The following TDRD1 variants were observed in gnomAD, a reference collection of about 807,000 sequenced individuals.
TDRD1 encodes the protein tudor domain-containing protein 1.
Under a neutral mutation model 140.6 loss-of-function variants are expected in TDRD1, and 37 were observed. That is an observed-to-expected ratio of 0.26 (90% CI 0.20 to 0.35). TDRD1 has a LOEUF of 0.35. Among genes scored for constraint, TDRD1 ranks in the 10% least tolerant of loss-of-function variants. TDRD1 has a pLI of 1.00. For synonymous variants in TDRD1, 506 were observed against 475.7 expected (o/e 1.06, Z -0.83); for missense variants, 1,243 against 1,393.0 (o/e 0.89, Z 1.71).
intron 10 of TDRD1, 21 bp downstream of exon 10, chr10:114,204,914 T>C (rs776198832): frequency 3.2e-5 from 50 of 1,559,878 alleles, no homozygotes; most frequent in Non-Finnish European, 4.1e-5. Flanking sequence ...TCTTTTTAAA[T>C]TGAGTACTTA....
At chr10:114,223,744 CT>C (rs1339146150) in intron 21 of TDRD1, among the ~76,000 whole-genome samples, 2 of 152,174 alleles carry the variant, frequency 1.3e-5, no homozygotes, top group Admixed American at 6.5e-5. Flanking sequence ...TCTTTTGCCA[CT>C]TTTGTCGTTG....
chr10:114,215,421 T>C (rs1355069303), intron 16 of TDRD1, among the ~76,000 whole-genome samples: 2 of 152,108 alleles, frequency 1.3e-5, no homozygotes, highest in East Asian at 1.9e-4. Context: ...GGAATGAAAT[T>C]ATTAGGTCAT....
At chr10:114,206,888 T>C (rs2035155879) in intron 11 of TDRD1, among the ~76,000 whole-genome samples, 1 of 152,194 alleles carries the variant, frequency 6.6e-6, no homozygotes. Context: ...AGTGCTGGGA[T>C]TACAGGCGTG....
At chr10:114,175,093 G>A (rs995761175), upstream of TDRD1, among the ~76,000 whole-genome samples, 2 of 152,150 alleles carry the variant, frequency 1.3e-5, no homozygotes, top group African/African-American at 4.8e-5. Context: ...CACACACGGA[G>A]GTGTAATGGC....
At chr10:114,190,108 A>C (rs966191926) in intron 2 of TDRD1, among the ~76,000 whole-genome samples, 6 of 152,192 alleles carry the variant, frequency 3.9e-5, no homozygotes, top group Admixed American at 3.9e-4. Context: ...TCAGATACCA[A>C]AACCAGAAGC....
At chr10:114,209,880 A>G (rs17091430) in intron 11 of TDRD1, among the ~76,000 whole-genome samples, 38,381 of 152,174 alleles carry the variant, frequency 0.25, 5,133 homozygotes, top group African/African-American at 0.33. Context: ...ATTCCTTAAA[A>G]CAGTAGTAGT....
chr10:114,191,984 C>A (rs548466204), intron 3 of TDRD1, among the ~76,000 whole-genome samples: 74 of 151,882 alleles, frequency 4.9e-4, no homozygotes, highest in African/African-American at 1.8e-3. Flanking sequence ...TGATAAACAT[C>A]TTTTCATGTG....
chr10:114,212,911 G>A (rs547266844), intron 14 of TDRD1, among the ~76,000 whole-genome samples: 37 of 152,080 alleles, frequency 2.4e-4, no homozygotes, highest in Non-Finnish European at 4.9e-4. Context: ...CATCACCCTG[G>A]TATGGTCTCT....
chr10:114,190,042 A>G (rs2033844016), intron 2 of TDRD1, among the ~76,000 whole-genome samples: 1 of 152,196 alleles, frequency 6.6e-6, no homozygotes. Flanking sequence ...AGAGGAGAAC[A>G]TTAAGTATTC....
chr10:114,217,027 CT>C (rs745327539), intron 16 of TDRD1, among the ~76,000 whole-genome samples: 4 of 152,226 alleles, frequency 2.6e-5, no homozygotes, highest in Non-Finnish European at 5.9e-5. Context: ...CTGCTGCCCA[CT>C]TTTGGTTGCC....
chr10:114,188,789 A>G (rs2120190509), intron 2 of TDRD1, among the ~76,000 whole-genome samples: 1 of 150,872 alleles, frequency 6.6e-6, no homozygotes, highest in East Asian at 2.0e-4. Flanking sequence ...CCTGGGAGGC[A>G]GAGGTTGCGG....
chr10:114,226,313 C>A, intron 22 of TDRD1, 97 bp downstream of exon 22: 1 of 725,854 alleles, frequency 1.4e-6, no homozygotes, highest in Non-Finnish European at 2.3e-6. Flanking sequence ...TGGGTATTTC[C>A]AGTAACTGCC....
At chr10:114,209,684 T>C (rs930144150) in intron 11 of TDRD1, among the ~76,000 whole-genome samples, 4 of 152,216 alleles carry the variant, frequency 2.6e-5, no homozygotes, top group Non-Finnish European at 5.9e-5. Flanking sequence ...TTCCTAGATA[T>C]GAAATTCCCT....
chr10:114,205,740 G>A (rs1490193308), intron 10 of TDRD1, among the ~76,000 whole-genome samples: 1 of 152,188 alleles, frequency 6.6e-6, no homozygotes, highest in African/African-American at 2.4e-5. Flanking sequence ...CTGGGAGTAG[G>A]TGGGGATGGT....
At chr10:114,218,339 C>T in intron 17 of TDRD1, 75 bp from the exon 18 acceptor site, 2 of 1,143,366 alleles carry the variant, frequency 1.7e-6, no homozygotes, top group Non-Finnish European at 2.3e-6. Context: ...CAAAGGGTGG[C>T]TTTTTTCAAG....
chr10:114,180,234 A>C (rs2032927440), intron 1 of TDRD1, among the ~76,000 whole-genome samples: 1 of 152,238 alleles, frequency 6.6e-6, no homozygotes, highest in African/African-American at 2.4e-5. Context: ...GCCCTTAGGA[A>C]GTACTAGCCA....
At chr10:114,178,592 G>T (rs2032779082), upstream of TDRD1, among the ~76,000 whole-genome samples, 1 of 152,158 alleles carries the variant, frequency 6.6e-6, no homozygotes, top group African/African-American at 2.4e-5. Flanking sequence ...TTCTTCTGGA[G>T]GGCTGAGATG....
At chr10:114,179,523 G>C (rs1028905557) in intron 1 of TDRD1, 107 bp downstream of exon 1, 1 of 152,590 alleles carries the variant, frequency 6.6e-6, no homozygotes, top group African/African-American at 2.4e-5. Flanking sequence ...GTTGAGGTTG[G>C]GCGTTGAGCG....
At chr10:114,218,202 G>A (rs1280227878) in intron 17 of TDRD1, among the ~76,000 whole-genome samples, 1 of 152,090 alleles carries the variant, frequency 6.6e-6, no homozygotes, top group Non-Finnish European at 1.5e-5. Context: ...TAAAAGTATG[G>A]CACTATACAT....
Sources: gnomAD v4.1 joint callset for allele counts (sites outside exome capture counted in the v4.1 genomes callset) on GRCh38, gnomAD v4.1.1 for gene constraint, MANE v1.5 for transcripts, NCBI Gene and HGNC (gene_info 2026-07-23, HGNC 2026-07-21) for gene names.